Variants in KCNU1 observed in about 807,000 individuals in gnomAD.
KCNU1 encodes potassium channel subfamily U member 1.
A neutral mutation model predicts 126.8 loss-of-function variants in KCNU1; 93 were observed. The ratio of observed to expected loss-of-function variants is 0.73; its 90% CI spans 0.62 to 0.87. KCNU1 has a LOEUF of 0.87. Ranked by LOEUF, KCNU1 falls within the 40% of genes least tolerant of loss-of-function variation. KCNU1 has a pLI of 0.00. For missense variants in KCNU1, 1,330 were observed against 1,367.1 expected (o/e 0.97, Z 0.43); for synonymous variants, 523 against 494.2 (o/e 1.06, Z -0.77).
chr8:36,803,639 G>A (rs1309973165), intron 2 of KCNU1, among the ~76,000 whole-genome samples: 1 of 152,104 alleles, frequency 6.6e-6, no homozygotes, highest in Non-Finnish European at 1.5e-5. Flanking sequence ...TTTCTAGCAT[G>A]TGATAAATTG....
intron 8 of KCNU1, 106 bp from the exon 9 acceptor site, chr8:36,815,490 T>C (rs1241120699): frequency 5.3e-6 from 3 of 567,350 alleles, no homozygotes; most frequent in Non-Finnish European, 9.4e-6. Flanking sequence ...TGCTCTTAGA[T>C]GACAGAAAGT....
intron 10 of KCNU1, among the ~76,000 whole-genome samples, chr8:36,826,978 G>A (rs571269545): frequency 3.3e-5 from 5 of 152,228 alleles, no homozygotes; most frequent in African/African-American, 7.2e-5. Flanking sequence ...AATGCCTCAC[G>A]TCTTTGATTT....
intron 22 of KCNU1, among the ~76,000 whole-genome samples, chr8:36,914,120 C>A (rs1808001339): frequency 6.6e-6 from 1 of 152,080 alleles, no homozygotes; most frequent in African/African-American, 2.4e-5. Flanking sequence ...AGAGGTAGAA[C>A]CAGGAATACA....
chr8:36,899,290 A>G (rs1407166404), intron 19 of KCNU1, among the ~76,000 whole-genome samples: 1 of 56,856 alleles, frequency 1.8e-5, no homozygotes, highest in African/African-American at 5.6e-5. Flanking sequence ...AGAAGATAGA[A>G]AAAAAAAATG....
In KCNU1 at chr8:36,844,618, TGAA is replaced by T. The variant is rs533845897; in HGVS notation, c.1704-958_1704-956del. The stretch of plus-strand genomic sequence containing the variant: ...CCTGGGTCTATTCTTGGCATAAGGC[TGAA>T]GAACTTTGGCTGTGCAAGCTCATTT... On this transcript the variant is annotated intron_variant, in intron 16 of 26. Coordinates refer to ENST00000399881, the MANE Select transcript of KCNU1 (RefSeq NM_001031836.3). Among the ~76,000 whole-genome samples the T allele has an allele frequency of 1.4e-4, 21 of 152,356 alleles. No individual in the cohort carries two copies. In the South Asian group the frequency reaches 4.4e-3, roughly 32 times the overall value.
At chr8:36,883,970 G>C (rs1447154682) in intron 19 of KCNU1, among the ~76,000 whole-genome samples, 1 of 152,176 alleles carries the variant, frequency 6.6e-6, no homozygotes, top group Non-Finnish European at 1.5e-5. Context: ...GAAAGGTAGG[G>C]ATGCTTCTTC....
intron 10 of KCNU1, among the ~76,000 whole-genome samples, chr8:36,828,504 A>G (rs1435694975): frequency 6.6e-6 from 1 of 152,112 alleles, no homozygotes; most frequent in Non-Finnish European, 1.5e-5. Flanking sequence ...AACTTTATAG[A>G]AGGAATATCA....
At chr8:36,835,348 C>CTTTTT (rs113877164) in intron 12 of KCNU1, among the ~76,000 whole-genome samples, 2 of 141,692 alleles carry the variant, frequency 1.4e-5, no homozygotes, top group African/African-American at 2.6e-5. Context: ...CTTTTCTTTT[C>CTTTTT]TTTTTTTTTT....
intron 19 of KCNU1, among the ~76,000 whole-genome samples, chr8:36,894,717 T>C (rs1807114893): frequency 6.6e-6 from 1 of 152,128 alleles, no homozygotes; most frequent in Non-Finnish European, 1.5e-5. Flanking sequence ...TGTGAAAATA[T>C]ATTCAAAGAA....
chr8:36,916,353 A>AGAAG (rs143444267), intron 22 of KCNU1, among the ~76,000 whole-genome samples: 62 of 149,304 alleles, frequency 4.2e-4, no homozygotes, highest in African/African-American at 1.2e-3. Context: ...AAGGAAGAAA[A>AGAAG]GAAGGAAGGA....
intron 19 of KCNU1, among the ~76,000 whole-genome samples, chr8:36,899,563 A>G (rs1452878264): frequency 6.6e-6 from 1 of 152,102 alleles, no homozygotes; most frequent in Non-Finnish European, 1.5e-5. Context: ...CTCTACTATT[A>G]AAGTTTATAA....
intron 19 of KCNU1, among the ~76,000 whole-genome samples, chr8:36,870,634 T>C (rs925244994): frequency 6.6e-6 from 1 of 152,208 alleles, no homozygotes; most frequent in Non-Finnish European, 1.5e-5. Context: ...CTACAGAAAC[T>C]GATCAGATGA....
At chr8:36,890,473 A>T (rs1806916063) in intron 19 of KCNU1, among the ~76,000 whole-genome samples, 1 of 151,984 alleles carries the variant, frequency 6.6e-6, no homozygotes, top group Non-Finnish European at 1.5e-5. Flanking sequence ...TATATATTGC[A>T]AATTTGAGGT....
At chr8:36,902,545 G>A (rs1807459818) in intron 19 of KCNU1, among the ~76,000 whole-genome samples, 1 of 152,098 alleles carries the variant, frequency 6.6e-6, no homozygotes, top group African/African-American at 2.4e-5. Context: ...AGGTAACATA[G>A]CTATTTCCAA....
intron 2 of KCNU1, among the ~76,000 whole-genome samples, chr8:36,794,397 A>AAG (rs1803017348): frequency 6.6e-6 from 1 of 152,032 alleles, no homozygotes; most frequent in South Asian, 2.1e-4. Context: ...TACATACATA[A>AAG]ATATATATAT....
At chr8:36,823,693 A>T (rs1292430833) in intron 10 of KCNU1, among the ~76,000 whole-genome samples, 4 of 152,030 alleles carry the variant, frequency 2.6e-5, no homozygotes. Context: ...AATTTCTCCA[A>T]TATGTAATAA....
At chr8:36,881,660 C>A (rs1355579349) in intron 19 of KCNU1, among the ~76,000 whole-genome samples, 1 of 152,016 alleles carries the variant, frequency 6.6e-6, no homozygotes, top group African/African-American at 2.4e-5. Flanking sequence ...TAGACACAAA[C>A]CTGAGTGTCT....
intron 21 of KCNU1, among the ~76,000 whole-genome samples, chr8:36,910,178 G>A (rs998539054): frequency 6.6e-6 from 1 of 152,124 alleles, no homozygotes; most frequent in African/African-American, 2.4e-5. Flanking sequence ...ACGCACCAAA[G>A]CATTTTCATA....
chr8:36,911,183 C>A, intron 22 of KCNU1, 64 bp downstream of exon 22: 1 of 1,299,224 alleles, frequency 7.7e-7, no homozygotes, highest in East Asian at 2.5e-5. Flanking sequence ...TAATTAACTC[C>A]TCTTTGAAGT....
Sources: gnomAD v4.1 joint callset for allele counts (sites outside exome capture counted in the v4.1 genomes callset) on GRCh38, gnomAD v4.1.1 for gene constraint, MANE v1.5 for transcripts, NCBI Gene and HGNC (gene_info 2026-07-23, HGNC 2026-07-21) for gene names.